The following BMP6 variants were observed in gnomAD, a reference collection of about 807,000 sequenced individuals.
BMP6 encodes the protein bone morphogenetic protein 6.
BMP6 carries 17 observed loss-of-function variants against 54.1 expected under a neutral mutation model. The ratio of observed to expected loss-of-function variants is 0.31; its 90% confidence interval spans 0.22 to 0.47. The LOEUF is 0.47. Among genes scored for constraint, BMP6 ranks in the 20% least tolerant of loss-of-function variants. The probability of loss-of-function intolerance (pLI) is 1.00; values close to 1 mark genes in which losing one functional copy is unlikely to be tolerated. For synonymous variants in BMP6, 328 were observed against 291.2 expected (o/e 1.13, Z -1.28); for missense variants, 720 against 690.4 (o/e 1.04, Z -0.48).
At chr6:7,858,398 A>G (rs1455116468) in intron 2 of BMP6, among the ~76,000 whole-genome samples, 1 of 152,188 alleles carries the variant, frequency 6.6e-6, no homozygotes, top group East Asian at 1.9e-4. Flanking sequence ...CCAACCGGTG[A>G]TTTTTAACCT....
rs141851742 is a variant in BMP6, at chr6:7,758,245, C to T, written c.664+30626C>T. 5.5e-3 allele frequency among the ~76,000 whole-genome samples: 836 copies of T among 152,318 alleles called. 14 individuals are homozygous for T. Among genetic ancestry groups the T allele is most frequent in the African/African-American group, 0.019 (786 of 41,566 alleles). ...ACGGGCCCCAGCATCTTTGTGAATTCGTACTGAGAATGTGAATTCGCAGAT... is the reference window on the plus strand; with the variant it reads ...ACGGGCCCCAGCATCTTTGTGAATTTGTACTGAGAATGTGAATTCGCAGAT... On this transcript the variant is annotated intron_variant, in intron 1 of 6. Coordinates refer to ENST00000283147, the MANE Select transcript of BMP6 (RefSeq NM_001718.6).
intron 1 of BMP6, among the ~76,000 whole-genome samples, chr6:7,802,184 T>G (rs1291455679): frequency 6.6e-6 from 1 of 152,202 alleles, no homozygotes; most frequent in Non-Finnish European, 1.5e-5. Context: ...TGTCTGTTAT[T>G]AAAGAAAAAG....
At chr6:7,878,656 G>A (rs960935212) in intron 4 of BMP6, among the ~76,000 whole-genome samples, 3 of 126,986 alleles carry the variant, frequency 2.4e-5, no homozygotes, top group Non-Finnish European at 4.8e-5. Context: ...GAAAGCCCCT[G>A]TGCAGTTTCA....
chr6:7,793,589 G>A (rs938333629), intron 1 of BMP6, among the ~76,000 whole-genome samples: 2 of 152,146 alleles, frequency 1.3e-5, no homozygotes, highest in African/African-American at 2.4e-5. Flanking sequence ...GGTGCAGGAT[G>A]TTGATATGGG....
chr6:7,734,560 G>A (rs1358296040), intron 1 of BMP6, among the ~76,000 whole-genome samples: 1 of 152,208 alleles, frequency 6.6e-6, no homozygotes. Flanking sequence ...TTAGTGGATA[G>A]CATCTTCTCC....
At chr6:7,854,559 G>T (rs1279391994) in intron 2 of BMP6, among the ~76,000 whole-genome samples, 1 of 152,230 alleles carries the variant, frequency 6.6e-6, no homozygotes, top group Non-Finnish European at 1.5e-5. Context: ...CACTTGGCGA[G>T]GCCGGGGCAG....
chr6:7,790,388 C>T (rs1433846529), intron 1 of BMP6, among the ~76,000 whole-genome samples: 1 of 151,714 alleles, frequency 6.6e-6, no homozygotes, highest in Admixed American at 6.6e-5. Flanking sequence ...CATAGTGGCA[C>T]ACTTCTGTAG....
chr6:7,747,521 T>C (rs781436340), intron 1 of BMP6, among the ~76,000 whole-genome samples: 13 of 152,186 alleles, frequency 8.5e-5, no homozygotes, highest in Non-Finnish European at 1.3e-4. Context: ...AGCCCAGCTC[T>C]GTACTTGTGA....
At position 7,726,910 on chromosome 6, in the gene BMP6, G is replaced by T. The variant is rs1464664327; in HGVS notation, c.-46G>T. 2.7e-6 allele frequency: 3 copies of T among 1,110,404 alleles called. No homozygotes were observed. The highest frequency in any genetic ancestry group is 1.7e-5 in the African/African-American group (1 of 60,126). The allele number at this position is 1,110,404 out of a possible 1,614,324, so 68.8% of individuals were successfully genotyped here. On this transcript the variant is annotated 5_prime_UTR_variant, in exon 1 of 7. Transcript: ENST00000283147. ...GGCCGCGCTCCGGCCTCGCTCCGCC[G>T]CTCCACGCCTCGCGGGATCCGCGGG... is the stretch of plus-strand genomic sequence containing the variant.
intron 1 of BMP6, among the ~76,000 whole-genome samples, chr6:7,830,436 A>G (rs764548167): frequency 9.2e-5 from 14 of 152,156 alleles, no homozygotes; most frequent in Non-Finnish European, 2.1e-4. Flanking sequence ...GAGGTCCTAC[A>G]TAGCCTTGGG....
intron 1 of BMP6, among the ~76,000 whole-genome samples, chr6:7,832,390 C>G (rs1758806543): frequency 6.6e-6 from 1 of 152,160 alleles, no homozygotes; most frequent in African/African-American, 2.4e-5. Context: ...AGCTGCCTCA[C>G]TGCTTCCACC....
intron 1 of BMP6, among the ~76,000 whole-genome samples, chr6:7,813,664 A>C (rs1372511144): frequency 2.7e-5 from 4 of 145,502 alleles, no homozygotes; most frequent in Admixed American, 6.9e-5. Flanking sequence ...AAAAAAAAAA[A>C]AAAAACCCAC....
intron 1 of BMP6, among the ~76,000 whole-genome samples, chr6:7,737,954 TG>T (rs1471251382): frequency 6.6e-6 from 1 of 151,702 alleles, no homozygotes; most frequent in Non-Finnish European, 1.5e-5. Context: ...TATTCTTTTT[TG>T]TAATATTTTC....
intron 1 of BMP6, among the ~76,000 whole-genome samples, chr6:7,808,521 T>G (rs767612022): frequency 4.6e-5 from 7 of 152,212 alleles, no homozygotes; most frequent in Non-Finnish European, 8.8e-5. Flanking sequence ...GCATTTATTC[T>G]TAGGACATGG....
Position 7,818,173 on chromosome 6 carries a change from G to A in BMP6, c.665-26967G>A, listed in dbSNP as rs1042152389. Among the ~76,000 whole-genome samples, 20 of 152,092 alleles carry A rather than the reference G, an allele frequency of 1.3e-4. 1 individual carries two copies. The highest frequency in any genetic ancestry group is 2.6e-4 in the Admixed American group (4 of 15,270). ...AAGCAAATACATACGAATTAGAGCC[G>A]GAGAAGCTTTCCAGATTTCCTGATC... is the stretch of plus-strand genomic sequence containing the variant. On this transcript the variant is annotated intron_variant, in intron 1 of 6. Transcript: ENST00000283147.
chr6:7,789,139 C>T (rs1240921236), intron 1 of BMP6, among the ~76,000 whole-genome samples: 2 of 152,184 alleles, frequency 1.3e-5, no homozygotes, highest in Non-Finnish European at 2.9e-5. Context: ...GTATGCTAGA[C>T]CTTCAGAACT....
chr6:7,741,668 A>T (rs528531527), intron 1 of BMP6, among the ~76,000 whole-genome samples: 22 of 152,336 alleles, frequency 1.4e-4, no homozygotes, highest in African/African-American at 5.1e-4. Context: ...CCTGGGCTCA[A>T]GCGATCCTCC....
chr6:7,760,821 G>A (rs1166614229), intron 1 of BMP6, among the ~76,000 whole-genome samples: 2 of 152,120 alleles, frequency 1.3e-5, no homozygotes, highest in African/African-American at 4.8e-5. Flanking sequence ...AAAAGTTAAA[G>A]TAAAGTTTTG....
chr6:7,835,364 G>C (rs1758856976), intron 1 of BMP6, among the ~76,000 whole-genome samples: 1 of 152,198 alleles, frequency 6.6e-6, no homozygotes, highest in Non-Finnish European at 1.5e-5. Context: ...CGCCCAAAGT[G>C]CTGAGATTAG....
Sources: allele counts gnomAD v4.1 joint callset (sites outside exome capture counted in the v4.1 genomes callset), GRCh38; gene constraint gnomAD v4.1.1; transcripts MANE v1.5; gene names NCBI Gene and HGNC (gene_info 2026-07-23, HGNC 2026-07-21).